The following CPNE8 variants were observed in gnomAD, a reference collection of about 807,000 sequenced individuals.
The protein encoded by CPNE8 is copine 8, also known as copine-8.
Under a neutral mutation model 81.5 loss-of-function variants are expected in CPNE8, and 45 were observed. The observed-to-expected ratio is 0.55, with a 90% CI of 0.44 to 0.71. CPNE8 has a LOEUF of 0.71. CPNE8 is among the 30% of genes least tolerant of loss of function. The pLI, the probability that CPNE8 is intolerant of heterozygous loss-of-function variation, is 0.00. For synonymous variants in CPNE8, 252 were observed against 226.3 expected (o/e 1.11, Z -1.02); for missense variants, 594 against 672.1 (o/e 0.88, Z 1.28).
At chr12:38,797,637 A>T (rs1942525551) in intron 6 of CPNE8, among the ~76,000 whole-genome samples, 1 of 152,188 alleles carries the variant, frequency 6.6e-6, no homozygotes, top group South Asian at 2.1e-4. Context: ...TAAAAAGCAG[A>T]GTGCCTCTCC....
At chr12:38,796,826 T>C (rs1243134106) in intron 6 of CPNE8, among the ~76,000 whole-genome samples, 1 of 151,974 alleles carries the variant, frequency 6.6e-6, no homozygotes, top group Non-Finnish European at 1.5e-5. Context: ...ACCTGGAAAA[T>C]CGGGTCACTC....
At chr12:38,841,174 A>G (rs189143570) in intron 4 of CPNE8, among the ~76,000 whole-genome samples, 10 of 152,278 alleles carry the variant, frequency 6.6e-5, no homozygotes, top group Admixed American at 6.5e-4. Flanking sequence ...GGTTCTAGGT[A>G]ATAATCATCC....
intron 10 of CPNE8, among the ~76,000 whole-genome samples, chr12:38,742,726 A>G (rs1025168622): frequency 4.1e-5 from 6 of 145,196 alleles, no homozygotes; most frequent in Admixed American, 1.4e-4. Flanking sequence ...AACATAAACC[A>G]TAGGAAGAAT....
upstream of CPNE8, chr12:38,905,912 A>C (rs1004599967): frequency 9.1e-6 from 9 of 984,808 alleles, no homozygotes; most frequent in Non-Finnish European, 1.1e-5. Context: ...GCAGACCCCT[A>C]CCGTCCAGGA....
rs17126716 is a variant in CPNE8 at position 38,849,100 on chromosome 12, G to A, written c.187-438C>T. Among the ~76,000 whole-genome samples the A allele has an allele frequency of 1.8e-3, 277 of 152,094 alleles. No homozygotes were observed. The East Asian group carries it at 0.029, about 16-fold the overall frequency. On this transcript the variant is annotated intron_variant, in intron 3 of 19. Coordinates refer to ENST00000331366, the MANE Select transcript of CPNE8 (RefSeq NM_153634.3). ...ACATAACAGTCCCATATACAATGCC[G>A]TTTATTAGCCATGTTTTGGGGAGAA...
intron 18 of CPNE8, among the ~76,000 whole-genome samples, chr12:38,673,479 T>C (rs1939223695): frequency 6.6e-6 from 1 of 152,122 alleles, no homozygotes; most frequent in Non-Finnish European, 1.5e-5. Flanking sequence ...ATGAGTTTAA[T>C]ATAGAAATTT....
intron 13 of CPNE8, among the ~76,000 whole-genome samples, chr12:38,704,548 G>A (rs2136694726): frequency 6.6e-6 from 1 of 151,920 alleles, no homozygotes; most frequent in African/African-American, 2.4e-5. Flanking sequence ...CTAACCTAAG[G>A]AAAGTCAGAG....
intron 7 of CPNE8, among the ~76,000 whole-genome samples, chr12:38,770,777 C>A (rs1344759062): frequency 6.6e-6 from 1 of 152,130 alleles, no homozygotes; most frequent in Non-Finnish European, 1.5e-5. Flanking sequence ...GAATTCTTAT[C>A]CTTGGGCTGG....
At chr12:38,817,596 G>T (rs1179301691) in intron 6 of CPNE8, among the ~76,000 whole-genome samples, 7 of 136,180 alleles carry the variant, frequency 5.1e-5, no homozygotes, top group Admixed American at 1.5e-4. Flanking sequence ...TTCGTTTAAA[G>T]TTACACATTA....
At chr12:38,698,977 C>T (rs1939865404) in intron 14 of CPNE8, among the ~76,000 whole-genome samples, 1 of 152,140 alleles carries the variant, frequency 6.6e-6, no homozygotes, top group Non-Finnish European at 1.5e-5. Context: ...ATATTAATTT[C>T]CATATGAATT....
chr12:38,869,160 A>G (rs1357451158), intron 3 of CPNE8, among the ~76,000 whole-genome samples: 1 of 152,176 alleles, frequency 6.6e-6, no homozygotes, highest in Non-Finnish European at 1.5e-5. Context: ...GCTTCATATT[A>G]GGTTTGAGGC....
At chr12:38,677,215 C>CT (rs148271245) in intron 17 of CPNE8, among the ~76,000 whole-genome samples, 9 of 151,372 alleles carry the variant, frequency 5.9e-5, no homozygotes, top group South Asian at 2.1e-4. Context: ...ATGCTATTAT[C>CT]TTTTTTTTTC....
At chr12:38,812,103 G>T (rs1303705027) in intron 6 of CPNE8, among the ~76,000 whole-genome samples, 2 of 152,286 alleles carry the variant, frequency 1.3e-5, no homozygotes, top group Non-Finnish European at 2.9e-5. Flanking sequence ...CAAAAATGGG[G>T]CAATAATCAT....
chr12:38,828,578 T>G (rs1943236313), intron 6 of CPNE8, among the ~76,000 whole-genome samples: 1 of 152,102 alleles, frequency 6.6e-6, no homozygotes, highest in Non-Finnish European at 1.5e-5. Context: ...ATAAACAGAT[T>G]TATGGAGTAT....
intron 5 of CPNE8, among the ~76,000 whole-genome samples, chr12:38,830,490 T>C (rs1282900573): frequency 2.6e-5 from 4 of 152,118 alleles, no homozygotes; most frequent in African/African-American, 9.7e-5. Context: ...GATATGTAGG[T>C]CAAGAAAATG....
At chr12:38,791,897 C>A (rs1942331900) in intron 6 of CPNE8, among the ~76,000 whole-genome samples, 2 of 150,520 alleles carry the variant, frequency 1.3e-5, no homozygotes, top group South Asian at 4.2e-4. Flanking sequence ...TTTTCAATTA[C>A]AATGGAATGA....
At chr12:38,906,644 A>C, upstream of CPNE8, 1 of 980,414 alleles carries the variant, frequency 1.0e-6, no homozygotes, top group Non-Finnish European at 1.2e-6. Context: ...ACTGCATTCC[A>C]GGGCAGCAAG....
At chr12:38,732,896 T>C (rs1288157331) in intron 10 of CPNE8, among the ~76,000 whole-genome samples, 1 of 151,994 alleles carries the variant, frequency 6.6e-6, no homozygotes, top group Non-Finnish European at 1.5e-5. Flanking sequence ...AAACACTGAA[T>C]TTGCATGTCA....
chr12:38,799,997 G>C (rs1178555073), intron 6 of CPNE8, among the ~76,000 whole-genome samples: 1 of 145,676 alleles, frequency 6.9e-6, no homozygotes, highest in South Asian at 2.3e-4. Flanking sequence ...ACCTGGCTCA[G>C]AGGGTCCTAC....
Sources: gnomAD v4.1 joint callset for allele counts (sites outside exome capture counted in the v4.1 genomes callset) on GRCh38, gnomAD v4.1.1 for gene constraint, MANE v1.5 for transcripts, NCBI Gene and HGNC (gene_info 2026-07-23, HGNC 2026-07-21) for gene names.